The following DEUP1 variants were observed in gnomAD, a reference collection of about 807,000 sequenced individuals.
The protein encoded by DEUP1 is coiled-coil domain containing 67.
DEUP1 carries 82 observed loss-of-function variants against 87.4 expected under a neutral mutation model. That is an observed-to-expected ratio of 0.94 (90% CI 0.78 to 1.13). The LOEUF is 1.13. DEUP1 is among the 50% of genes most tolerant of loss of function. The probability of loss-of-function intolerance (pLI) is 0.00; values close to 1 mark genes in which losing one functional copy is unlikely to be tolerated. For missense variants in DEUP1, 663 were observed against 681.5 expected, an observed-to-expected ratio of 0.97 and a Z score of 0.30; for synonymous variants, 214 against 222.7, an observed-to-expected ratio of 0.96 and a Z score of 0.35.
At position 93,370,195 on chromosome 11, in the gene DEUP1, T is replaced by C; in HGVS notation, c.546+9T>C. The C allele has an allele frequency of 7.7e-7, 1 of 1,300,334 alleles. No homozygotes were observed. The highest frequency in any genetic ancestry group is 2.3e-5 in the East Asian group (1 of 42,818). The allele number at this position is 1,300,334 out of a possible 1,614,324, so 80.5% of individuals were successfully genotyped here. A position where few individuals can be genotyped will look rare whatever the true frequency, so the allele number is the denominator to read the frequency against. ...AGTGTAATCAGTTTCAGGTAAGTTA[T>C]CTAATACTATTCTCTAAATCAAAAG... On this transcript the variant is annotated intron_variant, in intron 6 of 13. Transcript: ENST00000298050.
intron 7 of DEUP1, among the ~76,000 whole-genome samples, chr11:93,374,605 T>A (rs953299271): frequency 6.6e-6 from 1 of 152,232 alleles, no homozygotes; most frequent in Non-Finnish European, 1.5e-5. Flanking sequence ...TTTGGGTTTA[T>A]TTCTGGGTTC....
At chr11:93,350,414 T>TA (rs1455451880) in intron 2 of DEUP1, among the ~76,000 whole-genome samples, 6 of 152,106 alleles carry the variant, frequency 3.9e-5, no homozygotes, top group African/African-American at 9.7e-5. Flanking sequence ...TTCTTCAATA[T>TA]AAAAAAATCT....
At chr11:93,366,705 C>T (rs1486651973) in intron 5 of DEUP1, among the ~76,000 whole-genome samples, 5 of 147,710 alleles carry the variant, frequency 3.4e-5, no homozygotes, top group Admixed American at 6.7e-5. Flanking sequence ...TTCTTGGCCA[C>T]GCTTCTACCT....
intron 2 of DEUP1, among the ~76,000 whole-genome samples, chr11:93,334,560 C>A (rs989794892): frequency 2.0e-5 from 3 of 152,042 alleles, no homozygotes; most frequent in African/African-American, 4.8e-5. Context: ...AATAAAGATA[C>A]TTTGGTAAGG....
At chr11:93,364,403 C>A in intron 5 of DEUP1, 109 bp downstream of exon 5, 1 of 952,122 alleles carries the variant, frequency 1.1e-6, no homozygotes, top group Non-Finnish European at 1.6e-6. Flanking sequence ...TGGTAATAAA[C>A]ACTATTACAA....
Position 93,436,093 on chromosome 11 carries a change from A to G in DEUP1, c.1639-1450A>G, listed in dbSNP as rs535938702. ...GGTGGAACATTTTCAAGGTGCATTA[A>G]TTTTTGCTTTACCTAGGATGTTCTG... On this transcript the variant is annotated intron_variant, in intron 13 of 13. Transcript: ENST00000298050. Among the ~76,000 whole-genome samples the G allele has an allele frequency of 1.6e-4, 24 of 152,240 alleles. No homozygotes were observed. The East Asian group carries it at 4.4e-3, about 28-fold the overall frequency.
intron 5 of DEUP1, among the ~76,000 whole-genome samples, chr11:93,369,585 C>T (rs1442396782): frequency 2.0e-5 from 3 of 151,890 alleles, no homozygotes; most frequent in Admixed American, 6.6e-5. Flanking sequence ...GTAAAAAATC[C>T]AACATGAATG....
At chr11:93,331,126 C>T (rs1044909242) in intron 1 of DEUP1, among the ~76,000 whole-genome samples, 31 of 151,988 alleles carry the variant, frequency 2.0e-4, no homozygotes, top group Non-Finnish European at 4.6e-4. Context: ...TCCTTCTGGT[C>T]AAGTTTTCCT....
intron 2 of DEUP1, among the ~76,000 whole-genome samples, chr11:93,336,735 T>G (rs1943785241): frequency 6.6e-6 from 1 of 152,192 alleles, no homozygotes; most frequent in Non-Finnish European, 1.5e-5. Flanking sequence ...CGAATGCCAG[T>G]GAGGAGATCT....
In DEUP1 at chr11:93,408,515, G is replaced by T. The variant is rs115009253; in HGVS notation, c.1523+88G>T. The T allele has an allele frequency of 1.3e-5, 11 of 853,602 alleles. No homozygotes were observed. The African/African-American group carries it at 1.7e-4, about 13-fold the overall frequency. 52.9% of individuals were successfully genotyped at this position (853,602 alleles called of 1,614,324 possible). A position where few individuals can be genotyped will look rare whatever the true frequency, so the allele number is the denominator to read the frequency against. ...AAGAATTCAAATTATAACTTTATACGCTTTCTCTTCTGTGGTTTAAAATTT... is the reference window on the plus strand; with the variant it reads ...AAGAATTCAAATTATAACTTTATACTCTTTCTCTTCTGTGGTTTAAAATTT... On this transcript the variant is annotated intron_variant, in intron 12 of 13. Coordinates refer to ENST00000298050, the MANE Select transcript of DEUP1 (RefSeq NM_181645.4).
At position 93,351,051 on chromosome 11, in the gene DEUP1, T is replaced by C. The variant is rs563786562; in HGVS notation, c.30-4320T>C. ...AAACATATATTATATTTTCACATAA[T>C]ATATACATTTTATATATATTATATA... On this transcript the variant is annotated intron_variant, in intron 2 of 13. Coordinates refer to ENST00000298050, the MANE Select transcript of DEUP1 (RefSeq NM_181645.4). Among the ~76,000 whole-genome samples the C allele has an allele frequency of 2.7e-5, 4 of 148,466 alleles. No individual in the cohort carries two copies. In the Admixed American group the frequency reaches 2.7e-4, roughly 10 times the overall value.
chr11:93,405,998 A>ATTC (rs1947265331), intron 11 of DEUP1, among the ~76,000 whole-genome samples: 1 of 151,998 alleles, frequency 6.6e-6, no homozygotes, highest in Non-Finnish European at 1.5e-5. Flanking sequence ...GAATCTGAGG[A>ATTC]GTAGAAAGAA....
intron 4 of DEUP1, among the ~76,000 whole-genome samples, chr11:93,357,725 C>A (rs1156295751): frequency 6.6e-6 from 1 of 152,016 alleles, no homozygotes; most frequent in Non-Finnish European, 1.5e-5. Context: ...ACTTTATGAC[C>A]AACTTTTTTT....
intron 12 of DEUP1, among the ~76,000 whole-genome samples, chr11:93,409,543 C>G (rs958992077): frequency 6.6e-6 from 1 of 152,068 alleles, no homozygotes; most frequent in African/African-American, 2.4e-5. Flanking sequence ...TGCAGCACTC[C>G]CCAGACATAT....
Position 93,394,657 on chromosome 11 carries a change from G to A in DEUP1, c.1239+1G>A. On this transcript the variant is annotated splice_donor_variant, in intron 10 of 13. Transcript: ENST00000298050. LOFTEE classifies it high-confidence loss of function. ...AGAAAAAATGTTAGCAAAACAAAAG[G>A]TATGCAAGCAGGCAGAATAGCACTT... 1 of 1,606,338 alleles carries A rather than the reference G, an allele frequency of 6.2e-7. No individual in the cohort carries two copies. The highest frequency in any genetic ancestry group is 8.5e-7 in the Non-Finnish European group (1 of 1,175,936).
intron 9 of DEUP1, among the ~76,000 whole-genome samples, chr11:93,394,034 A>T (rs1359720214): frequency 2.0e-5 from 3 of 152,226 alleles, no homozygotes; most frequent in South Asian, 2.1e-4. Flanking sequence ...TTTTAGTTTT[A>T]AAAAAGCACT....
chr11:93,418,859 A>T (rs1407735596), intron 13 of DEUP1, among the ~76,000 whole-genome samples: 1 of 151,760 alleles, frequency 6.6e-6, no homozygotes, highest in Non-Finnish European at 1.5e-5. Flanking sequence ...GCCATAAAAA[A>T]TGATGAGTTC....
intron 2 of DEUP1, among the ~76,000 whole-genome samples, chr11:93,336,979 C>T (rs17552473): frequency 0.012 from 1,880 of 152,296 alleles, 12 homozygotes; most frequent in Non-Finnish European, 0.02. Flanking sequence ...TCTCATTTTT[C>T]TCTACTGAAT....
chr11:93,338,897 C>A (rs1452969494), intron 2 of DEUP1, among the ~76,000 whole-genome samples: 1 of 152,048 alleles, frequency 6.6e-6, no homozygotes, highest in Non-Finnish European at 1.5e-5. Flanking sequence ...GAAGAGAATC[C>A]AGGACTATTT....
Sources: allele counts gnomAD v4.1 joint callset (sites outside exome capture counted in the v4.1 genomes callset), GRCh38; gene constraint gnomAD v4.1.1; transcripts MANE v1.5; gene names NCBI Gene and HGNC (gene_info 2026-07-23, HGNC 2026-07-21).